NEK6: variants seen among roughly 807,000 people sequenced by gnomAD.
NEK6 encodes serine/threonine-protein kinase Nek6.
NEK6 carries 27 observed loss-of-function variants against 43.5 expected under a neutral mutation model. The observed-to-expected ratio is 0.62, with a 90% CI of 0.46 to 0.86. NEK6 has a LOEUF of 0.86. Ranked by LOEUF, NEK6 falls within the 40% of genes least tolerant of loss-of-function variation. NEK6 has a pLI of 0.00. For synonymous variants in NEK6, 167 were observed against 164.1 expected (o/e 1.02, Z -0.14); for missense variants, 318 against 414.4 (o/e 0.77, Z 2.02).
At chr9:124,330,068 C>T (rs932461985) in intron 7 of NEK6, among the ~76,000 whole-genome samples, 1 of 152,218 alleles carries the variant, frequency 6.6e-6, no homozygotes, top group African/African-American at 2.4e-5. Context: ...CACTTCCCCC[C>T]TCCCTGGGCC....
intron 1 of NEK6, among the ~76,000 whole-genome samples, chr9:124,261,853 C>A (rs1013101458): frequency 8.5e-5 from 13 of 152,268 alleles, no homozygotes; most frequent in African/African-American, 3.1e-4. Context: ...AATAATAGAT[C>A]TTGTGCGAAG....
chr9:124,311,042 C>T (rs1588495168), intron 2 of NEK6, among the ~76,000 whole-genome samples: 1 of 152,330 alleles, frequency 6.6e-6, no homozygotes, highest in East Asian at 1.9e-4. Flanking sequence ...TTGATGGACC[C>T]AGCTTAGACC....
At position 124,343,236 on chromosome 9, in the gene NEK6, T is replaced by C. The variant is rs1028456341; in HGVS notation, c.717+3571T>C. Reference sequence around the variant, plus strand: ...GGGCTGGACCACAGCCGGGGGGCGGTGAGGGGACGGATCGCAGCCGGGGGG... The same window carrying C: ...GGGCTGGACCACAGCCGGGGGGCGGCGAGGGGACGGATCGCAGCCGGGGGG... On this transcript the variant is annotated intron_variant, in intron 8 of 9. Transcript: ENST00000320246. The surrounding 1 kb of genome is among the most constrained non-coding windows in gnomAD (Gnocchi z 5.1). Among the ~76,000 whole-genome samples, 1 of 49,526 alleles carries C rather than the reference T, an allele frequency of 2.0e-5. No individual in the cohort carries two copies. The highest frequency in any genetic ancestry group is 3.9e-5 in the Non-Finnish European group (1 of 25,966). 32.5% of individuals were successfully genotyped at this position (49,526 alleles called of 152,430 possible). A position where few individuals can be genotyped will look rare whatever the true frequency, so the allele number is the denominator to read the frequency against.
intron 1 of NEK6, among the ~76,000 whole-genome samples, chr9:124,269,971 G>A (rs998058593): frequency 1.3e-5 from 2 of 152,032 alleles, no homozygotes; most frequent in Admixed American, 6.6e-5. Context: ...AAATCAAGGT[G>A]TTCCCCTTTT....
At chr9:124,267,357 G>A (rs554056684) in intron 1 of NEK6, among the ~76,000 whole-genome samples, 10 of 152,146 alleles carry the variant, frequency 6.6e-5, no homozygotes, top group South Asian at 2.1e-4. Context: ...TGGCAGGTCC[G>A]GTCGAGTCCG....
chr9:124,293,555 G>A (rs964768109), intron 1 of NEK6, among the ~76,000 whole-genome samples: 7 of 152,156 alleles, frequency 4.6e-5, no homozygotes, highest in Admixed American at 2.0e-4. Context: ...GATGCTCCTC[G>A]ATTTTCAAAA....
intron 8 of NEK6, among the ~76,000 whole-genome samples, chr9:124,346,676 C>T (rs1352613050): frequency 4.6e-5 from 7 of 152,262 alleles, no homozygotes; most frequent in African/African-American, 1.4e-4. Context: ...CAGCAGGTGC[C>T]ACGCTGGGCT....
intron 2 of NEK6, among the ~76,000 whole-genome samples, chr9:124,308,111 T>C (rs1833351621): frequency 6.6e-6 from 1 of 152,170 alleles, no homozygotes; most frequent in Non-Finnish European, 1.5e-5. Context: ...GGGGTACTGT[T>C]ATGATCTCCT....
At chr9:124,287,080 C>T (rs1038919188) in intron 1 of NEK6, among the ~76,000 whole-genome samples, 3 of 152,180 alleles carry the variant, frequency 2.0e-5, no homozygotes, top group South Asian at 4.1e-4. Context: ...CTGGCCACAC[C>T]GGGAAGCCTG....
chr9:124,280,453 T>C (rs957330615), intron 1 of NEK6, among the ~76,000 whole-genome samples: 1 of 152,174 alleles, frequency 6.6e-6, no homozygotes, highest in Non-Finnish European at 1.5e-5. Flanking sequence ...ATCCCCACCA[T>C]TGGAGCGTCC....
chr9:124,292,213 T>A (rs368323030), intron 1 of NEK6: 2 of 1,246,994 alleles, frequency 1.6e-6, no homozygotes, highest in Non-Finnish European at 2.1e-6. Flanking sequence ...TTGACCTGGC[T>A]GCACCTCTGC....
chr9:124,325,845 T>A (rs1015733781), intron 5 of NEK6, among the ~76,000 whole-genome samples: 1 of 152,224 alleles, frequency 6.6e-6, no homozygotes, highest in African/African-American at 2.4e-5. Flanking sequence ...TGAGATCTGC[T>A]GGTTCCGAGG....
chr9:124,332,408 G>C (rs1365540973), intron 7 of NEK6, among the ~76,000 whole-genome samples: 3 of 152,232 alleles, frequency 2.0e-5, no homozygotes, highest in Admixed American at 6.5e-5. Flanking sequence ...GAGGCTGAGA[G>C]AGAGTTTCTG....
intron 1 of NEK6, among the ~76,000 whole-genome samples, chr9:124,284,089 C>T (rs1414393337): frequency 6.6e-6 from 1 of 152,260 alleles, no homozygotes; most frequent in Non-Finnish European, 1.5e-5. Context: ...TGGCTCTCGC[C>T]TATAATCCCA....
At chr9:124,288,528 C>T (rs1183671867) in intron 1 of NEK6, among the ~76,000 whole-genome samples, 3 of 152,192 alleles carry the variant, frequency 2.0e-5, no homozygotes, top group Non-Finnish European at 2.9e-5. Context: ...AAGTGATCCA[C>T]TCACCTCGGC....
rs1220568585 is a variant in NEK6, at chr9:124,275,378, G to A, written c.-30+17293G>A. ...TTCACTCCCAGCACTGTGGAGGGGT[G>A]ACCTGGTTGATGACGGTCATGGAGC... On this transcript the variant is annotated intron_variant, in intron 1 of 9. Transcript: ENST00000320246. The surrounding 1 kb of genome is among the most constrained non-coding windows in gnomAD (Gnocchi z 4.4). Among the ~76,000 whole-genome samples, 2 of 152,208 alleles carry A rather than the reference G, an allele frequency of 1.3e-5. No homozygotes were observed. Among genetic ancestry groups the A allele is most frequent in the Middle Eastern group, 3.2e-3 (1 of 316 alleles).
At chr9:124,291,058 A>G (rs1169707624) in intron 1 of NEK6, among the ~76,000 whole-genome samples, 2 of 152,188 alleles carry the variant, frequency 1.3e-5, no homozygotes, top group African/African-American at 4.8e-5. Context: ...AATAACAATC[A>G]AATAACAACC....
chr9:124,291,944 A>T, intron 1 of NEK6: 1 of 986,046 alleles, frequency 1.0e-6, no homozygotes, highest in Non-Finnish European at 1.2e-6. Flanking sequence ...GGGAAGTCCC[A>T]TGCGGAGACA....
chr9:124,331,553 C>T (rs967149435), intron 7 of NEK6, among the ~76,000 whole-genome samples: 12 of 152,300 alleles, frequency 7.9e-5, no homozygotes, highest in African/African-American at 2.9e-4. Flanking sequence ...GCGAGGAACA[C>T]CTAGGGCTCT....
Sources: allele counts gnomAD v4.1 joint callset (sites outside exome capture counted in the v4.1 genomes callset), GRCh38; gene constraint gnomAD v4.1.1; non-coding constraint Gnocchi (gnomAD v3.1); transcripts MANE v1.5; gene names NCBI Gene and HGNC (gene_info 2026-07-23, HGNC 2026-07-21).